Variants in AGBL4 observed in about 807,000 individuals in gnomAD.
AGBL4 encodes the protein cytosolic carboxypeptidase 6.
In AGBL4, 58 loss-of-function variants were observed where a neutral mutation model predicts 66.4. The observed-to-expected ratio is 0.87, with a 90% CI of 0.71 to 1.09. AGBL4 has a LOEUF of 1.09. AGBL4 is among the 50% of genes least tolerant of loss of function. The pLI, the probability that AGBL4 is intolerant of heterozygous loss-of-function variation, is 0.00. For missense variants in AGBL4, 579 were observed against 631.0 expected (o/e 0.92, Z 0.88); for synonymous variants, 234 against 222.9 (o/e 1.05, Z -0.44).
At chr1:49,938,912 G>A (rs868840568) in intron 1 of AGBL4, among the ~76,000 whole-genome samples, 4 of 152,092 alleles carry the variant, frequency 2.6e-5, no homozygotes, top group African/African-American at 9.6e-5. Context: ...AAGTCAAATT[G>A]TCCCTCTTTG....
intron 4 of AGBL4, among the ~76,000 whole-genome samples, chr1:49,107,679 G>A (rs1454025661): frequency 9.3e-6 from 1 of 107,590 alleles, no homozygotes; most frequent in African/African-American, 3.5e-5. Context: ...GTGTATGTGT[G>A]TGTGTGTGTG....
At chr1:48,754,622 T>G (rs1159093936) in intron 6 of AGBL4, among the ~76,000 whole-genome samples, 1 of 152,078 alleles carries the variant, frequency 6.6e-6, no homozygotes, top group African/African-American at 2.4e-5. Flanking sequence ...ACTTACAATA[T>G]GGGGGTCACG....
chr1:48,526,672 G>T, the AGBL4 span, among the ~76,000 whole-genome samples: 1 of 152,142 alleles, frequency 6.6e-6, no homozygotes, highest in East Asian at 1.9e-4. Flanking sequence ...GTAGTAATGG[G>T]AATAACAGTA....
intron 2 of AGBL4, among the ~76,000 whole-genome samples, chr1:49,827,006 T>A (rs1455523459): frequency 2.0e-5 from 3 of 151,952 alleles, no homozygotes; most frequent in African/African-American, 7.3e-5. Flanking sequence ...ACAAAGAGAG[T>A]ATCATAATTA....
At chr1:49,557,341 T>A (rs1018924592) in intron 3 of AGBL4, among the ~76,000 whole-genome samples, 2 of 152,158 alleles carry the variant, frequency 1.3e-5, no homozygotes. Flanking sequence ...GCCCTCATAG[T>A]ACCTGGTTTT....
chr1:48,784,948 T>G (rs1482287733), intron 6 of AGBL4, among the ~76,000 whole-genome samples: 4 of 152,244 alleles, frequency 2.6e-5, no homozygotes, highest in Non-Finnish European at 5.9e-5. Flanking sequence ...ATGAAAAGAT[T>G]GACCTACCTC....
intron 1 of AGBL4, among the ~76,000 whole-genome samples, chr1:50,006,331 T>A (rs1286604039): frequency 4.4e-5 from 6 of 137,850 alleles, no homozygotes; most frequent in Non-Finnish European, 6.1e-5. Flanking sequence ...AGAGCAAGAC[T>A]CCGCCTCAAA....
chr1:49,788,514 A>G (rs191074332), intron 2 of AGBL4, among the ~76,000 whole-genome samples: 4 of 152,150 alleles, frequency 2.6e-5, no homozygotes, highest in Admixed American at 2.6e-4. Flanking sequence ...ATCTTCAAAT[A>G]ACTAAAAAAA....
At chr1:48,960,979 T>G (rs1657918414) in intron 5 of AGBL4, among the ~76,000 whole-genome samples, 1 of 152,220 alleles carries the variant, frequency 6.6e-6, no homozygotes, top group Admixed American at 6.5e-5. Context: ...CCTAGCACAC[T>G]CATTGACACC....
chr1:50,019,306 T>TCTCTCACACACACA lies in AGBL4; in HGVS notation c.34+4456_34+4457insTGTGTGTGTGAGAG, dbSNP rs1167835143. 7.0e-3 allele frequency among the ~76,000 whole-genome samples: 339 copies of TCTCTCACACACACA among 48,418 alleles called. 6 individuals carry two copies. Among genetic ancestry groups the TCTCTCACACACACA allele is most frequent in the South Asian group, 0.018 (11 of 624 alleles). The allele number at this position is 48,418 out of a possible 152,430, so 31.8% of individuals were successfully genotyped here. On this transcript the variant is annotated intron_variant, in intron 1 of 13. Transcript: ENST00000371839. ...CTCTCTCTCTCTCTCTCTCTCTCTC[T>TCTCTCACACACACA]CACACACACACACACACACACACAC...
At chr1:49,434,752 T>C (rs1442943401) in intron 3 of AGBL4, among the ~76,000 whole-genome samples, 1 of 151,356 alleles carries the variant, frequency 6.6e-6, no homozygotes, top group Non-Finnish European at 1.5e-5. Flanking sequence ...GACTATATGG[T>C]AGCTTACAGA....
intron 5 of AGBL4, among the ~76,000 whole-genome samples, chr1:48,969,372 G>A (rs1213886271): frequency 6.6e-6 from 1 of 152,024 alleles, no homozygotes; most frequent in Admixed American, 6.6e-5. Context: ...TTTTTCAAAG[G>A]CTATTCCACA....
At position 49,459,321 on chromosome 1, in the gene AGBL4, G is replaced by T. The variant is rs182809975; in HGVS notation, c.283-213457C>A. ...TATTCAGAGTTTCTATATCTTCCTG[G>T]TTTAATCTAGGAGGGTTGTATATTT... is the stretch of plus-strand genomic sequence containing the variant. On this transcript the variant is annotated intron_variant, in intron 3 of 13. Transcript: ENST00000371839. 1.1e-4 allele frequency among the ~76,000 whole-genome samples: 17 copies of T among 151,630 alleles called. No homozygotes were observed. The East Asian group carries it at 2.7e-3, about 24-fold the overall frequency.
chr1:48,617,088 G>T (rs1484015942), intron 9 of AGBL4, among the ~76,000 whole-genome samples: 1 of 152,134 alleles, frequency 6.6e-6, no homozygotes, highest in Non-Finnish European at 1.5e-5. Flanking sequence ...AAGGAGGGAG[G>T]GGGGAGCTGA....
At chr1:49,583,795 C>A (rs1310069020) in intron 3 of AGBL4, among the ~76,000 whole-genome samples, 1 of 152,206 alleles carries the variant, frequency 6.6e-6, no homozygotes, top group African/African-American at 2.4e-5. Context: ...TAAACGTCCT[C>A]TGTCAGCAAC....
intron 3 of AGBL4, among the ~76,000 whole-genome samples, chr1:49,247,584 C>A (rs918312866): frequency 5.9e-5 from 9 of 152,032 alleles, no homozygotes; most frequent in South Asian, 2.1e-4. Flanking sequence ...ATAAGCCCCC[C>A]CTTTTTTTTC....
chr1:49,785,098 C>T lies in AGBL4; in HGVS notation c.157+66298G>A, dbSNP rs3903650. 8.8e-3 allele frequency among the ~76,000 whole-genome samples: 1,335 copies of T among 152,086 alleles called. 15 individuals carry two copies. Among genetic ancestry groups the T allele is most frequent in the African/African-American group, 0.031 (1,280 of 41,536 alleles). On this transcript the variant is annotated intron_variant, in intron 2 of 13. Transcript: ENST00000371839. Reference sequence around the variant, plus strand: ...TAAACCAAAGCATTTATATTTTTTACTTTTTATAGGTGACTCTAAAAGACT... The same window carrying T: ...TAAACCAAAGCATTTATATTTTTTATTTTTTATAGGTGACTCTAAAAGACT...
intron 3 of AGBL4, among the ~76,000 whole-genome samples, chr1:49,621,923 C>A (rs1467506724): frequency 6.6e-6 from 1 of 152,188 alleles, no homozygotes; most frequent in Non-Finnish European, 1.5e-5. Context: ...CTGTTCTCTT[C>A]AGTCCTTTAT....
Position 49,880,534 on chromosome 1 carries a change from C to T in AGBL4, c.35-29016G>A, listed in dbSNP as rs1306948746. ...CTGCCCATTCTCAGATCTCCAGCTG[C>T]GTGCTGGGAGAACCACTGCTCTCTT... On this transcript the variant is annotated intron_variant, in intron 1 of 13. Transcript: ENST00000371839. Among the ~76,000 whole-genome samples the T allele has an allele frequency of 5.9e-5, 9 of 152,024 alleles. No homozygotes were observed. The South Asian group carries it at 6.2e-4, about 11-fold the overall frequency.
Sources: allele counts gnomAD v4.1 joint callset (sites outside exome capture counted in the v4.1 genomes callset), GRCh38; gene constraint gnomAD v4.1.1; transcripts MANE v1.5; gene names NCBI Gene and HGNC (gene_info 2026-07-23, HGNC 2026-07-21).